HDLBP: variants seen among roughly 807,000 people sequenced by gnomAD.
The protein encoded by HDLBP is vigilin.
HDLBP carries 30 observed loss-of-function variants against 137.3 expected under a neutral mutation model. That is an observed-to-expected ratio of 0.22 (90% CI 0.16 to 0.30). The LOEUF is 0.30. HDLBP is among the 10% of genes least tolerant of loss of function. HDLBP has a pLI of 1.00. For missense variants in HDLBP, 1,119 were observed against 1,667.3 expected (o/e 0.67, Z 5.73); for synonymous variants, 606 against 596.0 (o/e 1.02, Z -0.24).
At chr2:241,248,475 G>T in intron 12 of HDLBP, 127 bp from the exon 13 acceptor site, 1 of 758,012 alleles carries the variant, frequency 1.3e-6, no homozygotes, top group South Asian at 1.6e-5. Flanking sequence ...GTCTCCAGGT[G>T]GCACCTCGTA....
chr2:241,311,353 A>C (rs572871900), intron 1 of HDLBP, among the ~76,000 whole-genome samples: 1 of 152,288 alleles, frequency 6.6e-6, no homozygotes, highest in East Asian at 1.9e-4. Context: ...AAATTCTGAA[A>C]ACTTCATCTG....
chr2:241,236,583 C>T (rs777532969), intron 21 of HDLBP, 32 bp downstream of exon 21: 35 of 1,607,592 alleles, frequency 2.2e-5, no homozygotes, highest in African/African-American at 2.7e-5. Flanking sequence ...TGGGCCTTGG[C>T]GGGGGGTGGA....
At chr2:241,306,300 T>C (rs2075572523) in intron 1 of HDLBP, among the ~76,000 whole-genome samples, 1 of 151,430 alleles carries the variant, frequency 6.6e-6, no homozygotes, top group Non-Finnish European at 1.5e-5. Flanking sequence ...TTGTTCTTGT[T>C]GCCCTGGCTG....
intron 1 of HDLBP, among the ~76,000 whole-genome samples, chr2:241,307,573 A>G (rs1285369015): frequency 6.6e-6 from 1 of 152,268 alleles, no homozygotes; most frequent in African/African-American, 2.4e-5. Flanking sequence ...AGATAACTCA[A>G]CAAAACAATG....
intron 5 of HDLBP, among the ~76,000 whole-genome samples, chr2:241,257,150 T>C (rs766163467): frequency 9.2e-5 from 14 of 152,230 alleles, no homozygotes; most frequent in African/African-American, 2.9e-4. Context: ...ATTCTATTTA[T>C]AGCAAAGAGA....
intron 1 of HDLBP, among the ~76,000 whole-genome samples, chr2:241,291,320 G>A (rs1262311209): frequency 1.3e-5 from 2 of 152,090 alleles, no homozygotes; most frequent in East Asian, 1.9e-4. Flanking sequence ...GAACACGGAC[G>A]AGGTACAACA....
intron 1 of HDLBP, among the ~76,000 whole-genome samples, chr2:241,308,934 G>A (rs1013450659): frequency 1.3e-5 from 2 of 152,120 alleles, no homozygotes; most frequent in African/African-American, 4.8e-5. Context: ...TGACCTGCCC[G>A]TCTCCTACAC....
chr2:241,259,303 G>C (rs1054804219), intron 5 of HDLBP, among the ~76,000 whole-genome samples: 15 of 152,292 alleles, frequency 9.8e-5, no homozygotes, highest in African/African-American at 3.6e-4. Context: ...GCCTGCAAAG[G>C]TGAGGAGGGA....
chr2:241,284,846 T>TC (rs1289579012), intron 1 of HDLBP, among the ~76,000 whole-genome samples: 1 of 152,232 alleles, frequency 6.6e-6, no homozygotes, highest in East Asian at 1.9e-4. Context: ...TGCTGAAGGC[T>TC]CAATGATCAT....
In HDLBP at chr2:241,239,949, G is replaced by A. The variant is rs200770509; in HGVS notation, c.2343C>T (p.Asp781=). Residue 781 remains aspartate (D), a synonymous_variant, in exon 18 of 28, where the codon GAC becomes GAT. Transcript: ENST00000310931. The surrounding 1 kb of genome is among the most constrained non-coding windows in gnomAD (Gnocchi z 4.6). ...GCTCCTTCTGTGCCTCTCGGACGGCGTCCTCCTTTCCAATGATGGTGATCA... is the reference window on the plus strand; with the variant it reads ...GCTCCTTCTGTGCCTCTCGGACGGCATCCTCCTTTCCAATGATGGTGATCA... ...QDLITIIGKE[D]AVREAQKELE... is the part of the protein sequence containing the mutation. 3.8e-5 allele frequency: 61 copies of A among 1,614,182 alleles called. No individual in the cohort carries two copies. The highest frequency in any genetic ancestry group is 4.7e-5 in the Non-Finnish European group (55 of 1,180,030).
chr2:241,262,686 GAGA>G, intron 5 of HDLBP, 22 bp downstream of exon 5: 1 of 1,561,976 alleles, frequency 6.4e-7, no homozygotes, highest in Non-Finnish European at 8.8e-7. Flanking sequence ...AGTCACTGGG[GAGA>G]AGTAGGCCTC....
At chr2:241,232,006 G>A (rs1574833783) in intron 24 of HDLBP, among the ~76,000 whole-genome samples, 1 of 152,302 alleles carries the variant, frequency 6.6e-6, no homozygotes, top group East Asian at 1.9e-4. Context: ...AAGGAAATGA[G>A]CAGAAAGACC....
intron 1 of HDLBP, among the ~76,000 whole-genome samples, chr2:241,308,775 C>T (rs1397384911): frequency 6.6e-6 from 1 of 152,158 alleles, no homozygotes; most frequent in African/African-American, 2.4e-5. Context: ...ACAATACTTG[C>T]CTCCTACAGG....
At chr2:241,306,534 C>G (rs1462104157) in intron 1 of HDLBP, among the ~76,000 whole-genome samples, 1 of 152,108 alleles carries the variant, frequency 6.6e-6, no homozygotes, top group Admixed American at 6.5e-5. Context: ...GCTGGGACTA[C>G]AGGCGTGAGC....
At chr2:241,251,162 T>C (rs1269020176) in intron 11 of HDLBP, among the ~76,000 whole-genome samples, 1 of 152,096 alleles carries the variant, frequency 6.6e-6, no homozygotes, top group Non-Finnish European at 1.5e-5. Context: ...TCTCACTATG[T>C]TGCCCAGGCT....
chr2:241,313,834 C>A (rs2075846910), intron 1 of HDLBP, among the ~76,000 whole-genome samples: 1 of 152,178 alleles, frequency 6.6e-6, no homozygotes, highest in Non-Finnish European at 1.5e-5. Flanking sequence ...AGCCTAGTGG[C>A]GCTGAGGGAC....
chr2:241,292,738 C>G (rs62186405), intron 1 of HDLBP, among the ~76,000 whole-genome samples: 48,305 of 151,930 alleles, frequency 0.32, 8,408 homozygotes, highest in East Asian at 0.51. Flanking sequence ...ACTGTGAAAG[C>G]TGGGTGACAG....
At chr2:241,303,066 GGCATTTAGA>G (rs2075444859) in intron 1 of HDLBP, among the ~76,000 whole-genome samples, 1 of 152,186 alleles carries the variant, frequency 6.6e-6, no homozygotes, top group South Asian at 2.1e-4. Flanking sequence ...TCCCTAGAAG[GGCATTTAGA>G]ACAGCTTTTG....
intron 11 of HDLBP, 104 bp from the exon 12 acceptor site, chr2:241,250,084 T>C (rs1378331522): frequency 2.6e-6 from 3 of 1,151,424 alleles, no homozygotes; most frequent in Non-Finnish European, 3.6e-6. Flanking sequence ...ACCTTATCTG[T>C]GATTCCCATC....
Sources: gnomAD v4.1 joint callset for allele counts (sites outside exome capture counted in the v4.1 genomes callset) on GRCh38, gnomAD v4.1.1 for gene constraint, Gnocchi (gnomAD v3.1) non-coding constraint, MANE v1.5 for transcripts, NCBI Gene and HGNC (gene_info 2026-07-23, HGNC 2026-07-21) for gene names.